The following SMARCA4 variants were observed in gnomAD, a reference collection of about 807,000 sequenced individuals.
SMARCA4 encodes SWI/SNF-related matrix-associated actin-dependent regulator of chromatin subfamily A member 4.
SMARCA4 carries 31 observed loss-of-function variants against 193.9 expected under a neutral mutation model. That is an observed-to-expected ratio of 0.16 (90% confidence interval 0.12 to 0.22). SMARCA4 has a LOEUF of 0.22. Ranked by LOEUF, SMARCA4 falls within the 10% of genes least tolerant of loss-of-function variation. The probability of loss-of-function intolerance (pLI) is 1.00; values close to 1 mark genes in which losing one functional copy is unlikely to be tolerated. For missense variants in SMARCA4, 1,148 were observed against 2,296.0 expected (o/e 0.50, Z 10.22); for synonymous variants, 942 against 933.1 (o/e 1.01, Z -0.17).
At chr19:11,029,329 C>A (rs1475716852) in intron 24 of SMARCA4, among the ~76,000 whole-genome samples, 1 of 152,256 alleles carries the variant, frequency 6.6e-6, no homozygotes, top group Non-Finnish European at 1.5e-5. Flanking sequence ...TCCCACCCAT[C>A]CCAGTGCCCT....
chr19:11,039,697 C>T (rs2075473177), intron 29 of SMARCA4: 1 of 420,998 alleles, frequency 2.4e-6, no homozygotes, highest in African/African-American at 2.1e-5. Context: ...TTTTAAATGC[C>T]CAGCTACTCA....
At chr19:11,004,998 A>G (rs1016614250) in intron 13 of SMARCA4, among the ~76,000 whole-genome samples, 2 of 150,838 alleles carry the variant, frequency 1.3e-5, no homozygotes, top group Non-Finnish European at 3.0e-5. Flanking sequence ...AACCCGGCTA[A>G]TTTTTTTTTG....
intron 1 of SMARCA4, among the ~76,000 whole-genome samples, chr19:10,965,814 T>G (rs2084168466): frequency 6.6e-6 from 1 of 152,026 alleles, no homozygotes; most frequent in African/African-American, 2.4e-5. Flanking sequence ...CTTTAAAAAA[T>G]TTTTCTAATT....
intron 24 of SMARCA4, among the ~76,000 whole-genome samples, chr19:11,028,835 T>C (rs930805001): frequency 6.7e-6 from 1 of 150,242 alleles, no homozygotes; most frequent in Admixed American, 6.6e-5. Flanking sequence ...AACACGAGCA[T>C]GAGCTGCTGA....
chr19:10,970,196 C>CATTG (rs2084564931), intron 1 of SMARCA4, among the ~76,000 whole-genome samples: 1 of 152,084 alleles, frequency 6.6e-6, no homozygotes, highest in East Asian at 1.9e-4. Context: ...ACGGAGGGGC[C>CATTG]ATTGAAGCTG....
chr19:11,060,187 G>C lies in SMARCA4; in HGVS notation c.4911G>C (p.Glu1637Asp), dbSNP rs2147127404. 6.4e-7 allele frequency: 1 copy of C among 1,550,796 alleles called. No homozygotes were observed. Among genetic ancestry groups the C allele is most frequent in the Non-Finnish European group, 8.7e-7 (1 of 1,146,656 alleles). The change falls in exon 34 of 35, where the codon GAG becomes GAC. Residue 1637 changes from glutamate to aspartate, a missense_variant and splice_region_variant. Glu to Asp is a conservative substitution (Grantham distance 45, BLOSUM62 2). Transcript: ENST00000344626. ...SDDDSEEEQE[E>D]DRSGSGSEED ...ATGACAGTGAGGAGGAACAAGAGGAGGTGAGGCCGGGCCCCCGAGCAGGCA... is the reference window on the plus strand; with the variant it reads ...ATGACAGTGAGGAGGAACAAGAGGACGTGAGGCCGGGCCCCCGAGCAGGCA...
chr19:11,037,385 G>A (rs2075328554), intron 29 of SMARCA4, among the ~76,000 whole-genome samples: 2 of 152,260 alleles, frequency 1.3e-5, no homozygotes, highest in South Asian at 4.1e-4. Flanking sequence ...GAGTGTGGTT[G>A]GATTTGCATT....
At chr19:11,032,847 C>T (rs1214625483) in intron 25 of SMARCA4, among the ~76,000 whole-genome samples, 2 of 152,108 alleles carry the variant, frequency 1.3e-5, no homozygotes, top group African/African-American at 2.4e-5. Flanking sequence ...GACCTGGTTC[C>T]GGTTCTGTGT....
chr19:10,963,440 G>C (rs1369268534), intron 1 of SMARCA4, among the ~76,000 whole-genome samples: 1 of 151,568 alleles, frequency 6.6e-6, no homozygotes, highest in Admixed American at 6.6e-5. Context: ...AAGGGATACA[G>C]GTTAGTTGTT....
At chr19:11,042,268 T>C (rs891506271) in intron 30 of SMARCA4, among the ~76,000 whole-genome samples, 1 of 152,238 alleles carries the variant, frequency 6.6e-6, no homozygotes, top group Non-Finnish European at 1.5e-5. Context: ...CATTTACTAA[T>C]ATCCTTTTCC....
chr19:11,042,999 A>T (rs1188605958), intron 30 of SMARCA4, among the ~76,000 whole-genome samples: 3 of 151,886 alleles, frequency 2.0e-5, no homozygotes, highest in East Asian at 1.9e-4. Context: ...CTGCTTAAAA[A>T]GGTTCTTTTA....
intron 30 of SMARCA4, among the ~76,000 whole-genome samples, chr19:11,045,731 C>G (rs1342052910): frequency 1.3e-5 from 2 of 151,988 alleles, no homozygotes; most frequent in Non-Finnish European, 2.9e-5. Context: ...AATGGCTCAC[C>G]CAGCTGCTAC....
chr19:11,044,411 G>A (rs2075785601), intron 30 of SMARCA4, among the ~76,000 whole-genome samples: 1 of 152,156 alleles, frequency 6.6e-6, no homozygotes, highest in East Asian at 1.9e-4. Context: ...CACGCTGATG[G>A]AGACAGTGAA....
intron 1 of SMARCA4, among the ~76,000 whole-genome samples, chr19:10,978,208 T>C (rs2085295257): frequency 6.6e-6 from 1 of 152,206 alleles, no homozygotes; most frequent in South Asian, 2.1e-4. Context: ...CAAATATCCC[T>C]TCCCTTCCTC....
chr19:10,974,689 A>ATTTTTTTTTT (rs74182450), intron 1 of SMARCA4, among the ~76,000 whole-genome samples: 1 of 37,170 alleles, frequency 2.7e-5, no homozygotes, highest in African/African-American at 1.5e-4. Context: ...ATATATATAT[A>ATTTTTTTTTT]TTTTTTTTTT....
intron 21 of SMARCA4, 58 bp from the exon 22 acceptor site, chr19:11,025,364 G>A (rs1339304516): frequency 6.5e-6 from 7 of 1,074,130 alleles, no homozygotes; most frequent in East Asian, 2.4e-5. Flanking sequence ...CATCCACCAA[G>A]CCCACCCCAC....
chr19:11,022,647 G>T (rs980040438), intron 19 of SMARCA4, among the ~76,000 whole-genome samples: 1 of 152,204 alleles, frequency 6.6e-6, no homozygotes, highest in African/African-American at 2.4e-5. Context: ...GAAGTGCCCT[G>T]CCCAGCACGG....
At chr19:11,059,640 A>G in intron 32 of SMARCA4, 113 bp from the exon 33 acceptor site, 2 of 1,211,136 alleles carry the variant, frequency 1.7e-6, no homozygotes, top group Non-Finnish European at 2.4e-6. Flanking sequence ...CGCATTGGCC[A>G]CTGATCAGCT....
chr19:11,054,909 C>T lies in SMARCA4; in HGVS notation c.4425-3346C>T, dbSNP rs760925944. Among the ~76,000 whole-genome samples, 203 of 152,216 alleles carry T rather than the reference C, an allele frequency of 1.3e-3. 4 individuals carry two copies. Among genetic ancestry groups the T allele is most frequent in the Non-Finnish European group, 6.6e-4 (45 of 68,012 alleles). ...GTAGGCCTTGACACGAGCATGGGAG[C>T]GGAGCTAGGGGCACTGACATCAAAG... On this transcript the variant is annotated intron_variant, in intron 30 of 34. Transcript: ENST00000344626.
Sources: allele counts gnomAD v4.1 joint callset (sites outside exome capture counted in the v4.1 genomes callset), GRCh38; gene constraint gnomAD v4.1.1; transcripts MANE v1.5; gene names NCBI Gene and HGNC (gene_info 2026-07-23, HGNC 2026-07-21).